The following RBFOX1 variants were observed in gnomAD, a reference collection of about 807,000 sequenced individuals.
The protein encoded by RBFOX1 is RNA binding protein fox-1 homolog 1.
Under a neutral mutation model 57.7 loss-of-function variants are expected in RBFOX1, and 8 were observed. The observed-to-expected ratio is 0.14, with a 90% CI of 0.08 to 0.25. RBFOX1 has a LOEUF of 0.25. Ranked by LOEUF, RBFOX1 falls within the 10% of genes least tolerant of loss-of-function variation. The probability of loss-of-function intolerance (pLI) is 1.00; values close to 1 mark genes in which losing one functional copy is unlikely to be tolerated. For synonymous variants in RBFOX1, 326 were observed against 222.4 expected (o/e 1.47, Z -4.15); for missense variants, 611 against 548.5 (o/e 1.11, Z -1.14).
At chr16:6,850,089 G>C (rs1015729395) in intron 3 of RBFOX1, among the ~76,000 whole-genome samples, 1 of 152,098 alleles carries the variant, frequency 6.6e-6, no homozygotes, top group Non-Finnish European at 1.5e-5. Context: ...GATTGACATG[G>C]ACTCTTAAGT....
chr16:7,665,683 C>G (rs968453288), intron 13 of RBFOX1, among the ~76,000 whole-genome samples: 4 of 151,986 alleles, frequency 2.6e-5, no homozygotes, highest in Non-Finnish European at 5.9e-5. Flanking sequence ...TGAGCATTGA[C>G]GATATGAAAA....
intron 1 of RBFOX1, among the ~76,000 whole-genome samples, chr16:6,136,039 C>T (rs2096664857): frequency 6.6e-6 from 1 of 152,132 alleles, no homozygotes; most frequent in Non-Finnish European, 1.5e-5. Flanking sequence ...AAGTGATCTG[C>T]TTGCCTTGGC....
chr16:7,359,624 A>G (rs1019321021), intron 4 of RBFOX1, among the ~76,000 whole-genome samples: 3 of 152,166 alleles, frequency 2.0e-5, no homozygotes, highest in African/African-American at 7.2e-5. Context: ...CCCTGTCCAC[A>G]ATGGCTTGCT....
chr16:5,378,519 T>C (rs1226497099), intron 1 of RBFOX1, among the ~76,000 whole-genome samples: 3 of 151,524 alleles, frequency 2.0e-5, no homozygotes, highest in African/African-American at 7.4e-5. Context: ...ATTTTCGTTC[T>C]GTGAATAGCC....
chr16:7,017,565 T>C (rs372644453), intron 3 of RBFOX1, among the ~76,000 whole-genome samples: 1 of 152,214 alleles, frequency 6.6e-6, no homozygotes, highest in Admixed American at 6.5e-5. Flanking sequence ...AAGTGTTTTA[T>C]AGACGACTGC....
intron 1 of RBFOX1, among the ~76,000 whole-genome samples, chr16:5,265,403 G>A (rs1412221498): frequency 6.6e-6 from 1 of 152,210 alleles, no homozygotes; most frequent in Non-Finnish European, 1.5e-5. Flanking sequence ...GATATATTCT[G>A]TACCAATTAT....
chr16:6,844,252 A>G (rs2093642757), intron 3 of RBFOX1, among the ~76,000 whole-genome samples: 1 of 151,688 alleles, frequency 6.6e-6, no homozygotes, highest in South Asian at 2.1e-4. Context: ...GATTTGTTAC[A>G]TAGGTAAATA....
intron 4 of RBFOX1, among the ~76,000 whole-genome samples, chr16:7,247,478 T>G (rs894187630): frequency 2.8e-4 from 42 of 152,200 alleles, no homozygotes; most frequent in African/African-American, 9.9e-4. Context: ...TGATAGGCAC[T>G]CAGTAAATGT....
At chr16:6,480,350 G>A (rs1002805205) in intron 2 of RBFOX1, among the ~76,000 whole-genome samples, 1 of 152,140 alleles carries the variant, frequency 6.6e-6, no homozygotes, top group Non-Finnish European at 1.5e-5. Flanking sequence ...GGGCCACTTG[G>A]TCTCTCACAG....
At chr16:6,360,444 G>A in intron 2 of RBFOX1, among the ~76,000 whole-genome samples, 1 of 150,958 alleles carries the variant, frequency 6.6e-6, no homozygotes, top group Non-Finnish European at 1.5e-5. Context: ...CACTATATTT[G>A]GAAAAAAAAA....
At chr16:6,273,645 C>G (rs1377900028) in intron 1 of RBFOX1, among the ~76,000 whole-genome samples, 15 of 151,892 alleles carry the variant, frequency 9.9e-5, no homozygotes, top group Admixed American at 9.8e-4. Context: ...CATGCTTGGC[C>G]TAGAGTTCTT....
intron 2 of RBFOX1, among the ~76,000 whole-genome samples, chr16:6,549,617 G>A (rs1051291598): frequency 6.6e-6 from 1 of 151,964 alleles, no homozygotes; most frequent in African/African-American, 2.4e-5. Context: ...GCAGCAAATT[G>A]TAGGGAAGGC....
intron 1 of RBFOX1, among the ~76,000 whole-genome samples, chr16:6,310,899 TTTAAAA>T (rs2080180914): frequency 1.7e-5 from 2 of 117,622 alleles, no homozygotes; most frequent in South Asian, 5.2e-4. Flanking sequence ...TTACCAGTGG[TTTAAAA>T]AAAAAAAAAA....
At chr16:6,599,596 C>T (rs1479497965) in intron 2 of RBFOX1, among the ~76,000 whole-genome samples, 1 of 152,108 alleles carries the variant, frequency 6.6e-6, no homozygotes, top group Non-Finnish European at 1.5e-5. Context: ...ACTTGATTTT[C>T]CCCCGTGTAA....
rs11864018 is a variant in RBFOX1 at position 6,845,855 on chromosome 16, A to G, written c.-16+191205A>G. ...CCCCTCTTGGGATAATCTCAGTCCC[A>G]CTTGTGTATGGCTATTCCTTCTGAT... On this transcript the variant is annotated intron_variant, in intron 3 of 15. Transcript: ENST00000550418. Among the ~76,000 whole-genome samples the G allele has an allele frequency of 8.9e-3, 1,358 of 152,312 alleles. 20 individuals carry two copies. Among genetic ancestry groups the G allele is most frequent in the African/African-American group, 0.03 (1,252 of 41,572 alleles).
intron 1 of RBFOX1, among the ~76,000 whole-genome samples, chr16:5,437,831 A>G (rs1285176070): frequency 6.6e-6 from 1 of 152,192 alleles, no homozygotes; most frequent in African/African-American, 2.4e-5. Flanking sequence ...CTTCTTTCAT[A>G]TTAAAAATAT....
At chr16:7,581,502 G>A (rs1218031785) in intron 6 of RBFOX1, among the ~76,000 whole-genome samples, 5 of 151,902 alleles carry the variant, frequency 3.3e-5, no homozygotes, top group East Asian at 3.9e-4. Flanking sequence ...CTTAATGACC[G>A]TCCTGACACT....
chr16:5,879,511 G>T (rs565049986), intron 4 of RBFOX1, among the ~76,000 whole-genome samples: 3 of 152,092 alleles, frequency 2.0e-5, no homozygotes, highest in Non-Finnish European at 4.4e-5. Flanking sequence ...TGTATTTTTC[G>T]TGGAGACAGG....
intron 2 of RBFOX1, among the ~76,000 whole-genome samples, chr16:6,548,077 C>G (rs79323785): frequency 0.037 from 5,649 of 152,258 alleles, 284 homozygotes; most frequent in African/African-American, 0.11. Flanking sequence ...CTACTATTAA[C>G]TTCAGTTCTT....
Sources: allele counts gnomAD v4.1 joint callset (sites outside exome capture counted in the v4.1 genomes callset), GRCh38; gene constraint gnomAD v4.1.1; transcripts MANE v1.5; gene names NCBI Gene and HGNC (gene_info 2026-07-23, HGNC 2026-07-21).